The following DOCK7 variants were observed in gnomAD, a reference collection of about 807,000 sequenced individuals.
DOCK7 encodes dedicator of cytokinesis protein 7.
In DOCK7, 138 loss-of-function variants were observed where a neutral mutation model predicts 271.0. The ratio of observed to expected loss-of-function variants is 0.51; its 90% CI spans 0.44 to 0.59. The LOEUF is 0.59. Ranked by LOEUF, DOCK7 falls within the 20% of genes least tolerant of loss-of-function variation. The pLI is 0.00. For synonymous variants in DOCK7, 823 were observed against 876.1 expected, an observed-to-expected ratio of 0.94 and a Z score of 1.07; for missense variants, 2,066 against 2,592.4, an observed-to-expected ratio of 0.80 and a Z score of 4.41.
intron 16 of DOCK7, among the ~76,000 whole-genome samples, chr1:62,579,346 T>A (rs1043842059): frequency 1.3e-5 from 2 of 152,146 alleles, no homozygotes; most frequent in Non-Finnish European, 2.9e-5. Flanking sequence ...TTTTCCTTCA[T>A]AGGAGAATGC....
intron 1 of DOCK7, among the ~76,000 whole-genome samples, chr1:62,664,031 C>T (rs1213192307): frequency 2.0e-5 from 3 of 152,076 alleles, no homozygotes; most frequent in Admixed American, 2.0e-4. Flanking sequence ...GTTATCAAGC[C>T]ATGAAAGACA....
At chr1:62,494,253 T>C (rs370145386) in intron 40 of DOCK7, 22 bp downstream of exon 40, 3 of 1,549,796 alleles carry the variant, frequency 1.9e-6, no homozygotes, top group Non-Finnish European at 2.6e-6. Flanking sequence ...CTTGATTTAA[T>C]GTACATCTGG....
At position 62,644,861 on chromosome 1, in the gene DOCK7, T is replaced by C. The variant is rs1656452716; in HGVS notation, c.818+2830A>G. ...TAGACAAATCAGATGTATATAATTA[T>C]TACTTTAGAATTTTTAATGAGAGAC... On this transcript the variant is annotated intron_variant, in intron 7 of 49. Transcript: ENST00000635253. Among the ~76,000 whole-genome samples, 3 of 152,308 alleles carry C rather than the reference T, an allele frequency of 2.0e-5. No individual in the cohort carries two copies. In the South Asian group the frequency reaches 6.2e-4, roughly 32 times the overall value.
intron 14 of DOCK7, among the ~76,000 whole-genome samples, chr1:62,613,636 G>T (rs1224715395): frequency 6.6e-6 from 1 of 152,106 alleles, no homozygotes; most frequent in Admixed American, 6.6e-5. Context: ...AAAATGAGAA[G>T]TGAAAGGTGT....
intron 18 of DOCK7, among the ~76,000 whole-genome samples, chr1:62,570,142 T>A (rs532402902): frequency 1.5e-4 from 23 of 152,286 alleles, no homozygotes; most frequent in African/African-American, 4.1e-4. Context: ...TGATCCTCTA[T>A]CTAGAAAAAC....
At chr1:62,547,539 A>G (rs2029764) in intron 22 of DOCK7, among the ~76,000 whole-genome samples, 149,925 of 152,276 alleles carry the variant, frequency 0.98, 73,850 homozygotes, top group Middle Eastern at 1. Flanking sequence ...CAAAGATTTT[A>G]CTTCATATCC....
intron 1 of DOCK7, among the ~76,000 whole-genome samples, chr1:62,679,877 G>A (rs958177762): frequency 1.3e-5 from 2 of 152,082 alleles, no homozygotes; most frequent in Admixed American, 6.5e-5. Flanking sequence ...ACTGCTCAAC[G>A]AAATAAAAGA....
intron 18 of DOCK7, among the ~76,000 whole-genome samples, chr1:62,570,426 T>C (rs1646732838): frequency 6.6e-6 from 1 of 152,164 alleles, no homozygotes; most frequent in Admixed American, 6.5e-5. Flanking sequence ...TGGAAAAACA[T>C]TCCATGCTCA....
intron 31 of DOCK7, among the ~76,000 whole-genome samples, chr1:62,516,397 T>TC (rs1295506054): frequency 6.6e-6 from 1 of 152,184 alleles, no homozygotes; most frequent in Non-Finnish European, 1.5e-5. Flanking sequence ...GGGACTATTT[T>TC]CCCCATTCTC....
At chr1:62,625,767 T>G (rs1355955732) in intron 11 of DOCK7, among the ~76,000 whole-genome samples, 1 of 152,192 alleles carries the variant, frequency 6.6e-6, no homozygotes, top group East Asian at 1.9e-4. Flanking sequence ...TGAAAGAGAA[T>G]TGTAAGATAA....
chr1:62,620,619 G>A (rs866963228), intron 12 of DOCK7, among the ~76,000 whole-genome samples: 35 of 151,706 alleles, frequency 2.3e-4, no homozygotes, highest in South Asian at 8.3e-4. Flanking sequence ...AGTGGCTCAC[G>A]CCTGTAATCC....
intron 14 of DOCK7, among the ~76,000 whole-genome samples, chr1:62,617,697 A>T (rs950491943): frequency 6.6e-6 from 1 of 152,052 alleles, no homozygotes; most frequent in Non-Finnish European, 1.5e-5. Flanking sequence ...GGTTTCAATG[A>T]CATATATGAT....
intron 48 of DOCK7, among the ~76,000 whole-genome samples, chr1:62,468,671 C>T (rs549112966): frequency 5.9e-5 from 9 of 152,172 alleles, no homozygotes; most frequent in Admixed American, 5.2e-4. Flanking sequence ...ACCCTAAAGA[C>T]TCCTCCAAAA....
intron 14 of DOCK7, among the ~76,000 whole-genome samples, chr1:62,603,256 A>C (rs1650423711): frequency 6.6e-6 from 1 of 151,744 alleles, no homozygotes; most frequent in South Asian, 2.1e-4. Context: ...GCAATCCTTA[A>C]AATGAAGCTT....
intron 18 of DOCK7, among the ~76,000 whole-genome samples, chr1:62,574,192 C>T (rs906199412): frequency 3.9e-5 from 6 of 152,066 alleles, no homozygotes; most frequent in East Asian, 1.9e-4. Flanking sequence ...TCATCACACA[C>T]GGTACTCTAC....
chr1:62,604,619 T>C (rs750100392), intron 14 of DOCK7: 1 of 1,612,234 alleles, frequency 6.2e-7, no homozygotes, highest in Non-Finnish European at 8.5e-7. Context: ...AAATTGCATA[T>C]CTATCTCCTT....
intron 2 of DOCK7, among the ~76,000 whole-genome samples, chr1:62,661,681 C>G (rs1243425649): frequency 1.3e-5 from 2 of 151,858 alleles, no homozygotes; most frequent in African/African-American, 2.4e-5. Flanking sequence ...GATTCTAGGT[C>G]CTAGTGATGT....
chr1:62,475,376 T>C, intron 46 of DOCK7, 25 bp from the exon 47 acceptor site: 1 of 1,609,948 alleles, frequency 6.2e-7, no homozygotes, highest in Non-Finnish European at 8.5e-7. Context: ...ATCTGTTAAA[T>C]CAGTGTACTG....
rs779237728 is a variant in DOCK7, at chr1:62,648,201, G to C, written c.637C>G (p.Arg213Gly). 4 of 1,613,548 alleles carry C rather than the reference G, an allele frequency of 2.5e-6. 1 individual carries two copies. The South Asian group carries it at 4.4e-5, about 18-fold the overall frequency. ...PDALLPNLLDRTPNEEIDRQN... is the reference protein window; with the variant it reads ...PDALLPNLLDGTPNEEIDRQN... ...CGGTCTATTTCTTCATTTGGAGTTCGATCAAGTAAATTGGGAAGCAAAGCA... is the reference window on the plus strand; with the variant it reads ...CGGTCTATTTCTTCATTTGGAGTTCCATCAAGTAAATTGGGAAGCAAAGCA... The change falls in exon 6 of 50, where the codon CGA becomes GGA. Residue 213 changes from arginine (R) to glycine (G), a missense_variant. This residue lies in a region of DOCK7 where 1,414 missense variants were observed against 1,670.4 expected (regional missense o/e 0.85). Coordinates refer to ENST00000635253, the MANE Select transcript of DOCK7 (RefSeq NM_001367561.1).
Sources: allele counts gnomAD v4.1 joint callset (sites outside exome capture counted in the v4.1 genomes callset), GRCh38; gene constraint gnomAD v4.1.1; regional missense constraint gnomAD v4.1.1; transcripts MANE v1.5; gene names NCBI Gene and HGNC (gene_info 2026-07-23, HGNC 2026-07-21).